The following RAD54B variants were observed in gnomAD, a reference collection of about 807,000 sequenced individuals.
The protein encoded by RAD54B is DNA repair and recombination protein RAD54B.
RAD54B carries 78 observed loss-of-function variants against 95.8 expected under a neutral mutation model. The observed-to-expected ratio is 0.81, with a 90% CI of 0.68 to 0.98. The LOEUF is 0.98. RAD54B is among the 50% of genes least tolerant of loss of function. The pLI is 0.00. For synonymous variants in RAD54B, 328 were observed against 354.9 expected (o/e 0.92, Z 0.85); for missense variants, 957 against 1,056.6 (o/e 0.91, Z 1.31).
chr8:94,419,747 C>CAAAAA (rs36042247), intron 3 of RAD54B, among the ~76,000 whole-genome samples: 9 of 70,308 alleles, frequency 1.3e-4, no homozygotes, highest in South Asian at 5.7e-4. Flanking sequence ...TGGCCCCCAC[C>CAAAAA]AAAAAAAAAA....
chr8:94,437,651 GTGA>G (rs1450081648), intron 3 of RAD54B, among the ~76,000 whole-genome samples: 1 of 152,168 alleles, frequency 6.6e-6, no homozygotes, highest in Non-Finnish European at 1.5e-5. Context: ...CGTAATGTAT[GTGA>G]ATTTGCTAGC....
In RAD54B at chr8:94,393,902, AGTAAAAGGT is replaced by A; in HGVS notation, c.1379-29_1379-21del. ...GAGTACCTAAAGAGAGACAAAAATG[AGTAAAAGGT>A]CAAGTTTGTGTTTTACAATCACAAT... On this transcript the variant is annotated intron_variant, in intron 8 of 14. Coordinates refer to ENST00000336148, the MANE Select transcript of RAD54B (RefSeq NM_012415.3). The A allele has an allele frequency of 6.4e-7, 1 of 1,565,600 alleles. No homozygotes were observed. Among genetic ancestry groups the A allele is most frequent in the South Asian group, 1.2e-5 (1 of 82,976 alleles).
intron 6 of RAD54B, among the ~76,000 whole-genome samples, chr8:94,401,978 T>C (rs16916815): frequency 0.048 from 7,333 of 152,228 alleles, 245 homozygotes; most frequent in Non-Finnish European, 0.067. Flanking sequence ...CAGCTGAATA[T>C]AGTTGGAGCT....
chr8:94,378,658 T>C (rs1296932709), intron 12 of RAD54B, 24 bp from the exon 13 acceptor site: 1 of 1,533,424 alleles, frequency 6.5e-7, no homozygotes, highest in East Asian at 2.3e-5. Context: ...GTGAGAATTC[T>C]GAGAGTACAG....
At chr8:94,466,232 T>C (rs1397664567) in intron 2 of RAD54B, among the ~76,000 whole-genome samples, 1 of 152,176 alleles carries the variant, frequency 6.6e-6, no homozygotes, top group Non-Finnish European at 1.5e-5. Context: ...CCCTATAACA[T>C]AAAAGGATCA....
intron 3 of RAD54B, among the ~76,000 whole-genome samples, chr8:94,422,691 G>A (rs1424572228): frequency 9.2e-6 from 1 of 108,208 alleles, no homozygotes; most frequent in African/African-American, 3.4e-5. Flanking sequence ...GAATTTTCCA[G>A]TTTTTGCCAA....
intron 3 of RAD54B, among the ~76,000 whole-genome samples, chr8:94,426,209 T>TC (rs1474934735): frequency 6.7e-6 from 1 of 149,832 alleles, no homozygotes; most frequent in African/African-American, 2.5e-5. Flanking sequence ...CGCCTCAGCC[T>TC]CCCAAAGTGC....
intron 3 of RAD54B, chr8:94,428,152 T>C (rs1811991100): frequency 1.2e-6 from 1 of 844,164 alleles, no homozygotes; most frequent in African/African-American, 1.8e-5. Context: ...CTATCCACTA[T>C]CTAAATTACT....
chr8:94,402,015 G>A (rs568891488), intron 6 of RAD54B, among the ~76,000 whole-genome samples: 3 of 152,118 alleles, frequency 2.0e-5, no homozygotes, highest in South Asian at 2.1e-4. Context: ...AAGCTAGCAC[G>A]GCAGGTAGAA....
At chr8:94,417,407 T>C (rs3019148) in intron 3 of RAD54B, among the ~76,000 whole-genome samples, 57,892 of 151,412 alleles carry the variant, frequency 0.38, 11,251 homozygotes, top group Admixed American at 0.5. Context: ...ATGTTAATTG[T>C]ATCTCAATAA....
chr8:94,392,286 G>C (rs1811041050), intron 9 of RAD54B, among the ~76,000 whole-genome samples: 1 of 152,124 alleles, frequency 6.6e-6, no homozygotes, highest in African/African-American at 2.4e-5. Flanking sequence ...TTTTGAGACA[G>C]AGTCCTGCTC....
intron 3 of RAD54B, among the ~76,000 whole-genome samples, chr8:94,453,098 T>C (rs1812704094): frequency 6.6e-6 from 1 of 152,222 alleles, no homozygotes; most frequent in Non-Finnish European, 1.5e-5. Flanking sequence ...CATAGTCTCC[T>C]ATATGTATAT....
At chr8:94,383,746 A>G (rs1810798632) in intron 11 of RAD54B, among the ~76,000 whole-genome samples, 1 of 57,918 alleles carries the variant, frequency 1.7e-5, no homozygotes, top group Non-Finnish European at 3.7e-5. Flanking sequence ...ATTCCCAAGG[A>G]TAAGATAGCC....
intron 3 of RAD54B, among the ~76,000 whole-genome samples, chr8:94,457,092 CAG>C (rs1218229157): frequency 1.3e-5 from 2 of 152,066 alleles, no homozygotes; most frequent in African/African-American, 4.8e-5. Flanking sequence ...TATTATATTC[CAG>C]AGTCTAAATG....
At chr8:94,374,161 C>G (rs1050468817) in intron 14 of RAD54B, among the ~76,000 whole-genome samples, 2 of 152,068 alleles carry the variant, frequency 1.3e-5, no homozygotes, top group African/African-American at 4.8e-5. Flanking sequence ...CGCCTGTAGT[C>G]CCAGCTACTC....
chr8:94,417,979 T>A (rs556107099), intron 3 of RAD54B, among the ~76,000 whole-genome samples: 54 of 152,370 alleles, frequency 3.5e-4, no homozygotes, highest in African/African-American at 1.2e-3. Flanking sequence ...TTCAGTCTGC[T>A]AGAGCCCTCA....
chr8:94,418,567 A>G (rs1811728579), intron 3 of RAD54B, among the ~76,000 whole-genome samples: 1 of 152,240 alleles, frequency 6.6e-6, no homozygotes, highest in African/African-American at 2.4e-5. Context: ...ATCAGGATAT[A>G]GAATCGTTCC....
chr8:94,469,547 A>C (rs528106040), intron 1 of RAD54B, among the ~76,000 whole-genome samples: 7 of 152,258 alleles, frequency 4.6e-5, no homozygotes, highest in Admixed American at 4.6e-4. Context: ...GTATATGTCA[A>C]TTTTGATAAT....
rs141251412 is a variant in RAD54B at position 94,378,350 on chromosome 8, T to C, written c.2345A>G (p.Gln782Arg). The C allele has an allele frequency of 2.1e-4, 339 of 1,613,694 alleles. No individual in the cohort carries two copies. Among genetic ancestry groups the C allele is most frequent in the Middle Eastern group, 4.9e-4 (3 of 6,076 alleles). ...CCCACAAAGACCTTGCTTACTGATC[T>C]GCCTTTGATAGATCTTTTCTTCTAT... ...GTIEEKIYQRQISKQGLCGAV... is the reference protein window; with the variant it reads ...GTIEEKIYQRRISKQGLCGAV... Residue 782 changes from glutamine to arginine, a missense_variant, in exon 14 of 15, where the codon CAG becomes CGG. Physicochemically the swap from Gln to Arg is conservative, Grantham distance 43 (BLOSUM62 1). Transcript: ENST00000336148.
Sources: allele counts gnomAD v4.1 joint callset (sites outside exome capture counted in the v4.1 genomes callset), GRCh38; gene constraint gnomAD v4.1.1; transcripts MANE v1.5; gene names NCBI Gene and HGNC (gene_info 2026-07-23, HGNC 2026-07-21).